Variants in FHOD3 observed in about 807,000 individuals in gnomAD.
FHOD3 encodes formin homology 2 domain containing 3, also known as FH1/FH2 domain-containing protein 3.
FHOD3 carries 90 observed loss-of-function variants against 173.0 expected under a neutral mutation model. The observed-to-expected ratio is 0.52, with a 90% CI of 0.44 to 0.62. The LOEUF is 0.62. Among genes scored for constraint, FHOD3 ranks in the 20% least tolerant of loss-of-function variants. The pLI, the probability that FHOD3 is intolerant of heterozygous loss-of-function variation, is 0.00. For synonymous variants in FHOD3, 828 were observed against 823.0 expected (o/e 1.01, Z -0.10); for missense variants, 1,945 against 2,034.7 (o/e 0.96, Z 0.85).
intron 25 of FHOD3, among the ~76,000 whole-genome samples, chr18:36,755,681 GA>G (rs1467464511): frequency 6.6e-6 from 1 of 152,132 alleles, no homozygotes; most frequent in East Asian, 1.9e-4. Context: ...GCTTATCATA[GA>G]AAGACAAATG....
At chr18:36,626,877 G>A (rs1371204245) in intron 10 of FHOD3, among the ~76,000 whole-genome samples, 3 of 152,134 alleles carry the variant, frequency 2.0e-5, no homozygotes, top group Non-Finnish European at 4.4e-5. Context: ...GATACCCATG[G>A]AATCATTTGA....
chr18:36,367,775 C>T (rs900658545), intron 2 of FHOD3, among the ~76,000 whole-genome samples: 15 of 152,092 alleles, frequency 9.9e-5, no homozygotes, highest in African/African-American at 2.2e-4. Flanking sequence ...AAATTGTGAT[C>T]GTCAGGTGTG....
At chr18:36,429,038 G>A (rs151038473) in intron 3 of FHOD3, among the ~76,000 whole-genome samples, 170 of 152,270 alleles carry the variant, frequency 1.1e-3, no homozygotes, top group African/African-American at 3.5e-3. Context: ...TAAAGATAGA[G>A]GTACCCTCTA....
At chr18:36,499,855 C>T (rs1176807513) in intron 3 of FHOD3, among the ~76,000 whole-genome samples, 2 of 152,110 alleles carry the variant, frequency 1.3e-5, no homozygotes, top group African/African-American at 2.4e-5. Flanking sequence ...CTCTTAATCA[C>T]AACTCTTCAT....
chr18:36,444,401 T>C (rs369537546), intron 3 of FHOD3, among the ~76,000 whole-genome samples: 4 of 152,206 alleles, frequency 2.6e-5, no homozygotes, highest in Admixed American at 1.3e-4. Context: ...CATATCCTGG[T>C]TGATTTTAAT....
intron 3 of FHOD3, among the ~76,000 whole-genome samples, chr18:36,397,325 A>G (rs2048600033): frequency 6.6e-6 from 1 of 152,186 alleles, no homozygotes; most frequent in Non-Finnish European, 1.5e-5. Flanking sequence ...TAGCATGCAT[A>G]TCTCAGGCTG....
At chr18:36,769,535 T>C in intron 28 of FHOD3, 109 bp downstream of exon 28, 1 of 1,382,198 alleles carries the variant, frequency 7.2e-7, no homozygotes, top group Non-Finnish European at 9.7e-7. Flanking sequence ...TGTCAGTGGC[T>C]CCCAGAGTGC....
intron 1 of FHOD3, among the ~76,000 whole-genome samples, chr18:36,355,331 C>T (rs1271631163): frequency 6.6e-6 from 1 of 152,208 alleles, no homozygotes; most frequent in East Asian, 1.9e-4. Context: ...GTCGATGTCA[C>T]TCTGTTAAGA....
chr18:36,628,369 A>G (rs1480619752), intron 10 of FHOD3, among the ~76,000 whole-genome samples: 3 of 152,152 alleles, frequency 2.0e-5, no homozygotes, highest in East Asian at 3.9e-4. Context: ...TCCTAAACAT[A>G]TTCTTCAAGC....
intron 9 of FHOD3, among the ~76,000 whole-genome samples, chr18:36,615,995 T>C (rs114986527): frequency 0.011 from 1,750 of 152,300 alleles, 30 homozygotes; most frequent in African/African-American, 0.04. Context: ...CTGGGCATCT[T>C]CTCTTCCAGC....
intron 3 of FHOD3, among the ~76,000 whole-genome samples, chr18:36,485,388 AAGGG>A (rs1280067181): frequency 6.6e-6 from 1 of 152,136 alleles, no homozygotes; most frequent in Non-Finnish European, 1.5e-5. Flanking sequence ...GCCACTCAGA[AAGGG>A]AGGGAGGGAG....
At chr18:36,607,940 C>G (rs2032257434) in intron 8 of FHOD3, among the ~76,000 whole-genome samples, 2 of 152,220 alleles carry the variant, frequency 1.3e-5, no homozygotes, top group Admixed American at 1.3e-4. Flanking sequence ...CTACCAACCA[C>G]TTCAGCAATC....
At chr18:36,738,323 A>G (rs1390266810) in intron 20 of FHOD3, among the ~76,000 whole-genome samples, 1 of 152,186 alleles carries the variant, frequency 6.6e-6, no homozygotes, top group Non-Finnish European at 1.5e-5. Context: ...GTAAGTTTCC[A>G]TTTTTCTAGG....
intron 3 of FHOD3, among the ~76,000 whole-genome samples, chr18:36,416,772 A>G (rs1513843): frequency 0.11 from 16,771 of 152,046 alleles, 977 homozygotes; most frequent in East Asian, 0.19. Context: ...TGATTGGGAT[A>G]CTTTGTCGCT....
At chr18:36,494,051 A>G (rs1206300804) in intron 3 of FHOD3, among the ~76,000 whole-genome samples, 1 of 151,984 alleles carries the variant, frequency 6.6e-6, no homozygotes, top group Non-Finnish European at 1.5e-5. Context: ...TCCTCCCCCT[A>G]CATATTCTTT....
intron 6 of FHOD3, among the ~76,000 whole-genome samples, chr18:36,587,747 C>A (rs9962282): frequency 0.033 from 5,052 of 151,952 alleles, 295 homozygotes; most frequent in African/African-American, 0.12. Flanking sequence ...GCTGAGATCG[C>A]GCCATTGCAC....
At chr18:36,536,936 G>T (rs1599559762) in intron 5 of FHOD3, among the ~76,000 whole-genome samples, 1 of 152,188 alleles carries the variant, frequency 6.6e-6, no homozygotes, top group Non-Finnish European at 1.5e-5. Context: ...GAAAAACAAA[G>T]GTAGAGAAAA....
At chr18:36,744,436 A>C (rs2042052755) in intron 23 of FHOD3, among the ~76,000 whole-genome samples, 1 of 152,242 alleles carries the variant, frequency 6.6e-6, no homozygotes, top group Non-Finnish European at 1.5e-5. Flanking sequence ...CAAGCCTGCC[A>C]TCCCATTCCT....
intron 20 of FHOD3, among the ~76,000 whole-genome samples, chr18:36,736,082 C>T (rs1324846328): frequency 2.0e-5 from 3 of 152,202 alleles, no homozygotes; most frequent in Non-Finnish European, 4.4e-5. Flanking sequence ...ATGGGGGTGC[C>T]TCACTTACTC....
Sources: gnomAD v4.1 joint callset for allele counts (sites outside exome capture counted in the v4.1 genomes callset) on GRCh38, gnomAD v4.1.1 for gene constraint, MANE v1.5 for transcripts, NCBI Gene and HGNC (gene_info 2026-07-23, HGNC 2026-07-21) for gene names.